Variants in ANXA2 observed in about 807,000 individuals in gnomAD.
ANXA2 encodes annexin A2, also known as annexin II.
In ANXA2, 28 loss-of-function variants were observed where a neutral mutation model predicts 47.3. The ratio of observed to expected loss-of-function variants is 0.59; its 90% CI spans 0.44 to 0.81. ANXA2 has a LOEUF of 0.81. ANXA2 is among the 40% of genes least tolerant of loss of function. The pLI, the probability that ANXA2 is intolerant of heterozygous loss-of-function variation, is 0.00. For missense variants in ANXA2, 384 were observed against 414.3 expected (o/e 0.93, Z 0.64); for synonymous variants, 172 against 155.5 (o/e 1.11, Z -0.79).
intron 4 of ANXA2, chr15:60,362,609 A>T (rs1327681751): frequency 1.3e-5 from 2 of 152,072 alleles, no homozygotes; most frequent in African/African-American, 2.4e-5. Flanking sequence ...TGCAGCACAA[A>T]TCTTCCTTAT....
intron 3 of ANXA2, among the ~76,000 whole-genome samples, chr15:60,380,790 G>A (rs571137132): frequency 8.6e-6 from 1 of 116,370 alleles, no homozygotes; most frequent in East Asian, 2.7e-4. Context: ...GGCAACAAGA[G>A]TGAAACTCCA....
intron 7 of ANXA2, among the ~76,000 whole-genome samples, chr15:60,354,780 C>A (rs1396959727): frequency 1.3e-5 from 2 of 152,114 alleles, no homozygotes; most frequent in Admixed American, 1.3e-4. Flanking sequence ...TTACAGAATC[C>A]CTGTCCCCAT....
Position 60,355,851 on chromosome 15 carries a change from G to C in ANXA2, c.528+68C>G, listed in dbSNP as rs762796615. 7.0e-6 allele frequency: 9 copies of C among 1,283,880 alleles called. No individual in the cohort carries two copies. The East Asian group carries it at 2.1e-4, about 30-fold the overall frequency. The allele number at this position is 1,283,880 out of a possible 1,614,324, so 79.5% of individuals were successfully genotyped here. ...AGGGGATTTAGTTAATTCACTCCAA[G>C]TATAAAATGAGGTATGTGACTTGCC... On this transcript the variant is annotated intron_variant, in intron 7 of 12. Coordinates refer to ENST00000451270, the MANE Select transcript of ANXA2 (RefSeq NM_004039.3).
intron 7 of ANXA2, 56 bp downstream of exon 7, chr15:60,355,863 G>A (rs1226992878): frequency 9.7e-6 from 13 of 1,334,888 alleles, no homozygotes; most frequent in African/African-American, 1.4e-5. Flanking sequence ...ATAAAATGAG[G>A]TATGTGACTT....
At chr15:60,355,840 A>G in intron 7 of ANXA2, 79 bp downstream of exon 7, 1 of 1,208,550 alleles carries the variant, frequency 8.3e-7, no homozygotes, top group Non-Finnish European at 1.2e-6. Context: ...GATTTAGTTA[A>G]TTCACTCCAA....
intron 1 of ANXA2, chr15:60,396,271 A>T (rs1030369702): frequency 2.1e-4 from 32 of 152,188 alleles, no homozygotes; most frequent in African/African-American, 7.2e-4. Context: ...GGCTCTTAGG[A>T]CCACCAACCA....
chr15:60,348,655 A>G (rs10851679), intron 12 of ANXA2, among the ~76,000 whole-genome samples: 116,648 of 151,348 alleles, frequency 0.77, 45,205 homozygotes, highest in Admixed American at 0.84. Context: ...TGAGGCAGGA[A>G]AATGGTGTGA....
chr15:60,357,290 C>T, intron 5 of ANXA2, 54 bp from the exon 6 acceptor site: 1 of 1,449,402 alleles, frequency 6.9e-7, no homozygotes. Flanking sequence ...CACCATTAGC[C>T]TACTTCTCTG....
rs1036632839 is a variant in ANXA2 at position 60,351,311 on chromosome 15, A to T, written c.779-60T>A. The T allele has an allele frequency of 8.4e-6, 13 of 1,548,740 alleles. No homozygotes were observed. The Admixed American group carries it at 2.2e-4, about 26-fold the overall frequency. On this transcript the variant is annotated intron_variant, in intron 10 of 12. Coordinates refer to ENST00000451270, the MANE Select transcript of ANXA2 (RefSeq NM_004039.3). ...TGCTCTGGTCTCTCCTCTACCAATG[A>T]GAGAGGATGCCCTGGCCCTGGGCCA...
chr15:60,396,798 CCAA>C (rs772134590), intron 1 of ANXA2, among the ~76,000 whole-genome samples: 3 of 152,220 alleles, frequency 2.0e-5, no homozygotes, highest in Non-Finnish European at 4.4e-5. Flanking sequence ...CCTTTGCACA[CCAA>C]CAACTTAAGG....
intron 1 of ANXA2, among the ~76,000 whole-genome samples, chr15:60,391,620 T>C (rs1353809858): frequency 1.3e-5 from 2 of 152,226 alleles, no homozygotes. Context: ...AAACATTTGC[T>C]CTGGAGGCAG....
intron 2 of ANXA2, chr15:60,383,580 T>C (rs2062893496): frequency 6.6e-6 from 1 of 152,248 alleles, no homozygotes; most frequent in African/African-American, 2.4e-5. Context: ...CTTATAGTTT[T>C]CCCTCTCCCT....
chr15:60,371,248 T>G (rs1395283005), intron 3 of ANXA2, among the ~76,000 whole-genome samples: 3 of 152,212 alleles, frequency 2.0e-5, no homozygotes, highest in Non-Finnish European at 4.4e-5. Flanking sequence ...CTGTTCCAAA[T>G]GCCAGTCAGT....
intron 3 of ANXA2, among the ~76,000 whole-genome samples, chr15:60,381,920 G>C (rs1165819765): frequency 6.6e-6 from 1 of 151,814 alleles, no homozygotes; most frequent in Admixed American, 6.6e-5. Context: ...GACCAGATCC[G>C]GCTCCCAGAC....
Position 60,352,995 on chromosome 15 carries a change from G to A in ANXA2, c.589-519C>T, listed in dbSNP as rs2062371896. ...CAAGTAGCCCTAACAATGGCAGGGA[G>A]GGCAAGAGGAAGAAAGGCTTATGCA... On this transcript the variant is annotated intron_variant, in intron 8 of 12. Transcript: ENST00000451270. This position sits in a 1 kb window ranked among gnomAD's most constrained non-coding sequence, Gnocchi z 4.2. Among the ~76,000 whole-genome samples, 1 of 152,102 alleles carries A rather than the reference G, an allele frequency of 6.6e-6. No homozygotes were observed. Among genetic ancestry groups the A allele is most frequent in the African/African-American group, 2.4e-5 (1 of 41,404 alleles).
chr15:60,397,275 G>C (rs1203859121), intron 1 of ANXA2: 2 of 985,414 alleles, frequency 2.0e-6, no homozygotes, highest in African/African-American at 3.5e-5. Context: ...AGGCCAATGT[G>C]TTCAACCAAG....
chr15:60,353,188 G>A (rs1403292344), intron 8 of ANXA2, among the ~76,000 whole-genome samples: 3 of 152,144 alleles, frequency 2.0e-5, no homozygotes, highest in Non-Finnish European at 4.4e-5. Flanking sequence ...CAGCTTTTAT[G>A]ACTTACTTTG....
intron 4 of ANXA2, chr15:60,361,370 GA>G: frequency 3.2e-6 from 1 of 311,774 alleles, no homozygotes; most frequent in Non-Finnish European, 6.2e-6. Flanking sequence ...CAATATGCTT[GA>G]AAGCAGTAAC....
At chr15:60,393,539 C>T (rs1259873507) in intron 1 of ANXA2, 3 of 986,556 alleles carry the variant, frequency 3.0e-6, no homozygotes, top group Non-Finnish European at 3.6e-6. Context: ...CATGCATACA[C>T]GCATCCTGCA....
Sources: allele counts gnomAD v4.1 joint callset (sites outside exome capture counted in the v4.1 genomes callset), GRCh38; gene constraint gnomAD v4.1.1; non-coding constraint Gnocchi (gnomAD v3.1); transcripts MANE v1.5; gene names NCBI Gene and HGNC (gene_info 2026-07-23, HGNC 2026-07-21).